Variants in TDRD12 observed in about 807,000 individuals in gnomAD.
TDRD12 encodes tudor domain containing 12.
In TDRD12, 158 loss-of-function variants were observed where a neutral mutation model predicts 133.5. That is an observed-to-expected ratio of 1.18 (90% CI 1.04 to 1.35). The LOEUF is 1.35. Ranked by LOEUF, TDRD12 falls within the 40% of genes most tolerant of loss-of-function variation. The probability of loss-of-function intolerance (pLI) is 0.00; values close to 1 mark genes in which losing one functional copy is unlikely to be tolerated. For missense variants in TDRD12, 1,443 were observed against 1,321.3 expected (o/e 1.09, Z -1.43); for synonymous variants, 460 against 477.9 (o/e 0.96, Z 0.49).
chr19:32,813,305 A>G (rs560976515), intron 24 of TDRD12, among the ~76,000 whole-genome samples: 96 of 152,354 alleles, frequency 6.3e-4, no homozygotes, highest in African/African-American at 2.2e-3. Context: ...AGGAGGAACA[A>G]CTTTCACTTC....
chr19:32,821,367 AGAGTGTGTGTGTGT>A, downstream of TDRD12: 1 of 486,048 alleles, frequency 2.1e-6, no homozygotes, highest in East Asian at 3.3e-5. Context: ...ACAGCTCAGC[AGAGTGTGTGTGTGT>A]GTGTGTGTGT....
At chr19:32,749,926 A>G in intron 6 of TDRD12, 57 bp downstream of exon 6, 4 of 1,246,282 alleles carry the variant, frequency 3.2e-6, no homozygotes, top group Non-Finnish European at 4.5e-6. Flanking sequence ...TTACTTTAAT[A>G]AAACAGAATA....
At chr19:32,730,861 C>G (rs12327732) in intron 1 of TDRD12, among the ~76,000 whole-genome samples, 1 of 151,982 alleles carries the variant, frequency 6.6e-6, no homozygotes, top group Admixed American at 6.6e-5. Context: ...ACTAAAAATA[C>G]AAAATTAACT....
At chr19:32,821,217 C>A in exon 28 of TDRD12, 1 of 1,187,688 alleles carries the variant, frequency 8.4e-7, no homozygotes, top group Non-Finnish European at 1.2e-6. Context: ...AGACTTTCTA[C>A]TTTGAGATGA....
intron 11 of TDRD12, among the ~76,000 whole-genome samples, chr19:32,780,615 C>T (rs755290857): frequency 4.1e-4 from 62 of 152,152 alleles, no homozygotes; most frequent in Non-Finnish European, 7.9e-4. Context: ...GTCTGTTCTT[C>T]CCATGACTCC....
chr19:32,740,434 CTGGG>C (rs1969385971), intron 3 of TDRD12, among the ~76,000 whole-genome samples: 1 of 148,968 alleles, frequency 6.7e-6, no homozygotes, highest in African/African-American at 2.5e-5. Flanking sequence ...TCTGCATCTC[CTGGG>C]TACTCTCTGC....
At chr19:32,741,474 G>A (rs573221769) in intron 3 of TDRD12, among the ~76,000 whole-genome samples, 10 of 152,348 alleles carry the variant, frequency 6.6e-5, no homozygotes, top group African/African-American at 1.9e-4. Flanking sequence ...GGTGCCATTC[G>A]AGCTTGTGAT....
intron 8 of TDRD12, among the ~76,000 whole-genome samples, chr19:32,758,549 C>T (rs1970061147): frequency 6.6e-6 from 1 of 152,078 alleles, no homozygotes; most frequent in South Asian, 2.1e-4. Flanking sequence ...CACCAGGGAC[C>T]CACCCCATCT....
At chr19:32,821,171 T>A (rs771815394) in exon 28 of TDRD12, 1 of 1,497,172 alleles carries the variant, frequency 6.7e-7, no homozygotes, top group South Asian at 1.2e-5. Flanking sequence ...GATGGTTAAG[T>A]TCAAATCGTT....
At chr19:32,826,622 G>A in intron 9 of TDRD12, 24 bp downstream of exon 31, 1 of 1,236,016 alleles carries the variant, frequency 8.1e-7, no homozygotes, top group Admixed American at 4.1e-5. Flanking sequence ...CACTCAGCGG[G>A]TGGTCTTTAC....
At chr19:32,789,400 G>A (rs1311815452) in intron 11 of TDRD12, among the ~76,000 whole-genome samples, 3 of 152,236 alleles carry the variant, frequency 2.0e-5, no homozygotes, top group African/African-American at 4.8e-5. Flanking sequence ...ACAAGTAAGT[G>A]CATACCCATT....
rs1016085854 is a variant in TDRD12 at position 32,826,619 on chromosome 19, C to T, written c.1049+21C>T. 20 of 1,235,770 alleles carry T rather than the reference C, an allele frequency of 1.6e-5. No homozygotes were observed. The African/African-American group carries it at 1.7e-4, about 11-fold the overall frequency. 76.6% of individuals were successfully genotyped at this position (1,235,770 alleles called of 1,614,324 possible). A position where few individuals can be genotyped will look rare whatever the true frequency, so the allele number is the denominator to read the frequency against. ...AGAGGGTGAGTTGGGATGCACTCAG[C>T]GGGTGGTCTTTACCCTGCGTGTGTC... On this transcript the variant is annotated intron_variant, in intron 9 of 9. Transcript: ENST00000637289.
At chr19:32,802,761 G>A (rs75855305) in exon 20 of TDRD12, 3 of 1,536,566 alleles carry the variant, frequency 2.0e-6, no homozygotes, top group Non-Finnish European at 8.7e-7. Flanking sequence ...CGCCTGTATT[G>A]CATGTCTGAT....
At chr19:32,801,822 G>A in exon 19 of TDRD12, 4 of 1,472,824 alleles carry the variant, frequency 2.7e-6, no homozygotes, top group Non-Finnish European at 3.6e-6. Context: ...CTTACAAAAT[G>A]TTTTAGAACA....
downstream of TDRD12, chr19:32,826,232 T>G: frequency 6.7e-7 from 1 of 1,484,468 alleles, no homozygotes; most frequent in Non-Finnish European, 9.0e-7. Flanking sequence ...GCGCAGGTCT[T>G]TCTTCTTCTA....
intron 4 of TDRD12, among the ~76,000 whole-genome samples, chr19:32,747,240 A>G (rs1291421686): frequency 6.6e-6 from 1 of 152,192 alleles, no homozygotes; most frequent in African/African-American, 2.4e-5. Flanking sequence ...ATTATTAGTA[A>G]TCTACTACAT....
intron 22 of TDRD12, among the ~76,000 whole-genome samples, chr19:32,809,249 T>A (rs1344376135): frequency 6.6e-6 from 1 of 152,200 alleles, no homozygotes; most frequent in East Asian, 1.9e-4. Flanking sequence ...AGTGTGGAGA[T>A]TTCACAGGGG....
At chr19:32,750,392 G>A (rs1402621588) in intron 6 of TDRD12, among the ~76,000 whole-genome samples, 1 of 152,068 alleles carries the variant, frequency 6.6e-6, no homozygotes, top group Non-Finnish European at 1.5e-5. Context: ...ACACATCCAG[G>A]GCTGCTCAGA....
In TDRD12 at chr19:32,748,818, G is replaced by A. The variant is rs184180819; in HGVS notation, c.496+287G>A. On this transcript the variant is annotated intron_variant, in intron 5 of 27. Transcript: ENST00000444215. ...GCCTCTTCGTTTGCATAAAAGCTGC[G>A]GCGCTGCAAAATAAATTCATGTGGA... 2.0e-3 allele frequency among the ~76,000 whole-genome samples: 301 copies of A among 152,308 alleles called. 1 individual carries two copies. The highest frequency in any genetic ancestry group is 6.9e-3 in the African/African-American group (288 of 41,566).
Sources: allele counts gnomAD v4.1 joint callset (sites outside exome capture counted in the v4.1 genomes callset), GRCh38; gene constraint gnomAD v4.1.1; transcripts MANE v1.5; gene names NCBI Gene and HGNC (gene_info 2026-07-23, HGNC 2026-07-21).